The following GCH1 variants were observed in gnomAD, a reference collection of about 807,000 sequenced individuals.
The protein encoded by GCH1 is GTP cyclohydrolase 1.
In GCH1, 5 loss-of-function variants were observed where a neutral mutation model predicts 25.9. The ratio of observed to expected loss-of-function variants is 0.19; its 90% CI spans 0.10 to 0.41. The LOEUF is 0.41. Among genes scored for constraint, GCH1 ranks in the 10% least tolerant of loss-of-function variants. The probability of loss-of-function intolerance (pLI) is 1.00; values close to 1 mark genes in which losing one functional copy is unlikely to be tolerated. For missense variants in GCH1, 261 were observed against 336.5 expected, an observed-to-expected ratio of 0.78 and a Z score of 1.75; for synonymous variants, 159 against 129.6, an observed-to-expected ratio of 1.23 and a Z score of -1.54.
At chr14:54,870,318 C>T (rs1014650974) in intron 1 of GCH1, among the ~76,000 whole-genome samples, 2 of 129,868 alleles carry the variant, frequency 1.5e-5, no homozygotes, top group African/African-American at 6.3e-5. Flanking sequence ...CCCAACCTAG[C>T]CAGACTCTGT....
At chr14:54,871,347 T>C (rs749868313) in intron 1 of GCH1, among the ~76,000 whole-genome samples, 1 of 152,142 alleles carries the variant, frequency 6.6e-6, no homozygotes, top group Admixed American at 6.5e-5. Flanking sequence ...ATCCCATCTG[T>C]ACATCACCAT....
At chr14:54,856,764 A>G (rs1045728638) in intron 3 of GCH1, among the ~76,000 whole-genome samples, 2 of 152,128 alleles carry the variant, frequency 1.3e-5, no homozygotes, top group Admixed American at 1.3e-4. Context: ...AGGCTCAGTT[A>G]TTTCTAAGGG....
At chr14:54,870,511 G>C (rs973632652) in intron 1 of GCH1, among the ~76,000 whole-genome samples, 1 of 152,188 alleles carries the variant, frequency 6.6e-6, no homozygotes, top group South Asian at 2.1e-4. Flanking sequence ...GTGCAGGACA[G>C]GGGGTGCAGC....
intron 1 of GCH1, chr14:54,885,008 G>T (rs2040330814): frequency 4.5e-6 from 1 of 224,648 alleles, no homozygotes; most frequent in South Asian, 6.3e-5. Context: ...CCTCCTCCCT[G>T]TAATTCTTCT....
At chr14:54,887,707 G>A (rs112957859) in intron 1 of GCH1, among the ~76,000 whole-genome samples, 3,868 of 152,162 alleles carry the variant, frequency 0.025, 160 homozygotes, top group African/African-American at 0.088. Context: ...TAAGAAAAAC[G>A]CTTTTTAGGG....
At chr14:54,860,990 C>T (rs1259968771) in intron 2 of GCH1, among the ~76,000 whole-genome samples, 2 of 152,204 alleles carry the variant, frequency 1.3e-5, no homozygotes, top group African/African-American at 4.8e-5. Flanking sequence ...ATAAAAGTTA[C>T]TCTTTTGGGG....
intron 1 of GCH1, among the ~76,000 whole-genome samples, chr14:54,872,861 T>C (rs1005830717): frequency 6.6e-6 from 1 of 151,988 alleles, no homozygotes; most frequent in Non-Finnish European, 1.5e-5. Context: ...AGCAAGTCCT[T>C]AGAGACCTAC....
At chr14:54,865,105 G>A (rs960722187) in intron 2 of GCH1, among the ~76,000 whole-genome samples, 2 of 151,392 alleles carry the variant, frequency 1.3e-5, no homozygotes, top group Non-Finnish European at 2.9e-5. Context: ...TATGAACCTG[G>A]TATTTAACAT....
At chr14:54,853,660 T>C (rs2039767797) in intron 3 of GCH1, among the ~76,000 whole-genome samples, 1 of 152,246 alleles carries the variant, frequency 6.6e-6, no homozygotes. Flanking sequence ...CCCTGGGTCA[T>C]GTTGAAAACA....
intron 1 of GCH1, among the ~76,000 whole-genome samples, chr14:54,872,276 C>T (rs1388168129): frequency 6.6e-6 from 1 of 150,716 alleles, no homozygotes; most frequent in Non-Finnish European, 1.5e-5. Flanking sequence ...GAAATAAAAT[C>T]CTTTACAGAC....
At chr14:54,849,484 T>C (rs1252144387) in intron 3 of GCH1, among the ~76,000 whole-genome samples, 1 of 152,258 alleles carries the variant, frequency 6.6e-6, no homozygotes, top group Non-Finnish European at 1.5e-5. Flanking sequence ...GTAACTGCTG[T>C]TGCCTTTTAG....
At chr14:54,880,101 A>G (rs1380774383) in intron 1 of GCH1, among the ~76,000 whole-genome samples, 1 of 150,566 alleles carries the variant, frequency 6.6e-6, no homozygotes, top group African/African-American at 2.4e-5. Context: ...AGATCATGCC[A>G]CTGCACTCCA....
chr14:54,846,806 A>T (rs1348222488), intron 4 of GCH1, among the ~76,000 whole-genome samples: 1 of 152,232 alleles, frequency 6.6e-6, no homozygotes, highest in African/African-American at 2.4e-5. Flanking sequence ...CATGCCTGTA[A>T]TCCCAGCACT....
At position 54,902,425 on chromosome 14, in the gene GCH1, C is replaced by T. The variant is rs770547722; in HGVS notation, c.239G>A (p.Ser80Asn). 1.2e-5 allele frequency: 20 copies of T among 1,612,940 alleles called. No individual in the cohort carries two copies. In the East Asian group the frequency reaches 4.5e-4, roughly 36 times the overall value. ...NLAAAYSSIL[S>N]SLGENPQRQG... is the part of the protein sequence containing the mutation. ...CCGCTGGGGGTTCTCGCCCAGCGAG[C>T]TCAGGATGGACGAGTAGGCGGCTGC... The change falls in exon 1 of 6, where the codon AGC (serine) becomes AAC (asparagine). Residue 80 changes from serine (S) to asparagine (N), a missense_variant. By Grantham distance (46) the Ser-to-Asn change is conservative. Transcript: ENST00000491895.
Position 54,902,598 on chromosome 14 carries a change from G to A in GCH1, c.66C>T (p.Phe22=). ...KPRGARCSNG[F]PERDPPRPGP... ...CGGGCCGCGGCGGATCCCGCTCGGG[G>A]AACCCATTGCTGCACCTGGCGCCCC... The change falls in exon 1 of 6, where the codon TTC becomes TTT. Residue 22 remains phenylalanine, a synonymous_variant. Coordinates refer to ENST00000491895, the MANE Select transcript of GCH1 (RefSeq NM_000161.3). 5 of 1,500,606 alleles carry A rather than the reference G, an allele frequency of 3.3e-6. No homozygotes were observed. The highest frequency in any genetic ancestry group is 1.5e-5 in the African/African-American group (1 of 68,534). 93.0% of individuals were successfully genotyped at this position (1,500,606 alleles called of 1,614,324 possible).
intron 1 of GCH1, among the ~76,000 whole-genome samples, chr14:54,902,005 C>T (rs2040572926): frequency 6.6e-6 from 1 of 152,182 alleles, no homozygotes; most frequent in Non-Finnish European, 1.5e-5. Context: ...GGCGCTCAGG[C>T]GAGAGGGCTC....
At chr14:54,849,455 GT>G (rs1159664663) in intron 3 of GCH1, among the ~76,000 whole-genome samples, 4 of 152,184 alleles carry the variant, frequency 2.6e-5, no homozygotes, top group African/African-American at 9.6e-5. Context: ...CAGTATTGCT[GT>G]TGGCAAACCA....
chr14:54,868,051 CA>C (rs1240790678), intron 1 of GCH1, among the ~76,000 whole-genome samples: 1 of 151,998 alleles, frequency 6.6e-6, no homozygotes, highest in African/African-American at 2.4e-5. Context: ...GTATTCTTCC[CA>C]AAAATCCATA....
intron 1 of GCH1, among the ~76,000 whole-genome samples, chr14:54,896,851 C>A (rs190880003): frequency 2.7e-5 from 4 of 146,448 alleles, no homozygotes; most frequent in African/African-American, 7.9e-5. Context: ...ACCGGGAGAC[C>A]GAGCTTGCAG....
Sources: gnomAD v4.1 joint callset for allele counts (sites outside exome capture counted in the v4.1 genomes callset) on GRCh38, gnomAD v4.1.1 for gene constraint, MANE v1.5 for transcripts, NCBI Gene and HGNC (gene_info 2026-07-23, HGNC 2026-07-21) for gene names.